Variants in ARHGAP29 observed in about 807,000 individuals in gnomAD.
ARHGAP29 encodes the protein rho GTPase-activating protein 29.
A neutral mutation model predicts 122.6 loss-of-function variants in ARHGAP29; 43 were observed. That is an observed-to-expected ratio of 0.35 (90% CI 0.27 to 0.45). The LOEUF is 0.45. ARHGAP29 is among the 20% of genes least tolerant of loss of function. The probability of loss-of-function intolerance (pLI) is 1.00; values close to 1 mark genes in which losing one functional copy is unlikely to be tolerated. For missense variants in ARHGAP29, 1,303 were observed against 1,477.2 expected (o/e 0.88, Z 1.93); for synonymous variants, 506 against 497.1 (o/e 1.02, Z -0.24).
the ARHGAP29 span, among the ~76,000 whole-genome samples, chr1:94,291,518 T>C: frequency 6.6e-6 from 1 of 152,150 alleles, no homozygotes; most frequent in Non-Finnish European, 1.5e-5. Context: ...TTATTTCACC[T>C]GTTAATTGAT....
At chr1:94,293,682 G>GA in the ARHGAP29 span, among the ~76,000 whole-genome samples, 6 of 152,280 alleles carry the variant, frequency 3.9e-5, no homozygotes, top group East Asian at 1.2e-3. Flanking sequence ...TGTGAGAACA[G>GA]ATGAATACAG....
At chr1:94,271,532 C>A (rs920929212) in intron 1 of ARHGAP29, among the ~76,000 whole-genome samples, 1 of 152,172 alleles carries the variant, frequency 6.6e-6, no homozygotes, top group Non-Finnish European at 1.5e-5. Context: ...AGATTAGAAA[C>A]TGTCTACCAC....
chr1:94,284,638 G>A, the ARHGAP29 span, among the ~76,000 whole-genome samples: 1 of 152,174 alleles, frequency 6.6e-6, no homozygotes, highest in African/African-American at 2.4e-5. Flanking sequence ...GTCCTGGAGT[G>A]AATACTGTGT....
rs369293214 is a variant in ARHGAP29 at position 94,184,175 on chromosome 1, G to A, written c.2223C>T (p.Asp741=). ...ISEFSSHDIC[D]VLKLYLRQLP... ...CCTGCCGAAGGTATAATTTCAAGAC[G>A]TCACAGATATCATGTGAACTAAATT... The change falls in exon 19 of 23, where the codon GAC becomes GAT. Residue 741 remains aspartate, a synonymous_variant. Coordinates refer to ENST00000260526, the MANE Select transcript of ARHGAP29 (RefSeq NM_004815.4). The A allele has an allele frequency of 4.4e-6, 7 of 1,607,924 alleles. No individual in the cohort carries two copies. Among genetic ancestry groups the A allele is most frequent in the Middle Eastern group, 3.3e-4 (2 of 6,040 alleles).
Position 94,237,464 on chromosome 1 carries a change from C to A in ARHGAP29, c.-82G>T, listed in dbSNP as rs1244561846. The A allele has an allele frequency of 3.0e-6, 3 of 987,510 alleles. No individual in the cohort carries two copies. The highest frequency in any genetic ancestry group is 1.2e-4 in the Admixed American group (2 of 16,254). The allele number at this position is 987,510 out of a possible 1,614,324, so 61.2% of individuals were successfully genotyped here. On this transcript the variant is annotated 5_prime_UTR_variant, in exon 1 of 23. Coordinates refer to ENST00000260526, the MANE Select transcript of ARHGAP29 (RefSeq NM_004815.4). ...GACGCGGACGCCCGCCCCACACCTA[C>A]GGCCGCCGCCACCGCCGAGGGCTGG...
chr1:94,217,993 C>G (rs963955275), intron 3 of ARHGAP29, among the ~76,000 whole-genome samples: 2 of 152,182 alleles, frequency 1.3e-5, no homozygotes, highest in African/African-American at 4.8e-5. Flanking sequence ...CTTAGACTGG[C>G]TGGCACTGAA....
At chr1:94,217,541 A>C (rs890323466) in intron 3 of ARHGAP29, among the ~76,000 whole-genome samples, 1 of 151,394 alleles carries the variant, frequency 6.6e-6, no homozygotes, top group African/African-American at 2.4e-5. Flanking sequence ...AAAAAAAAAA[A>C]AAACACTCAA....
At position 94,174,545 on chromosome 1, in the gene ARHGAP29, C is replaced by G. The variant is rs1264168129; in HGVS notation, c.3110G>C (p.Arg1037Thr). 1.9e-6 allele frequency: 3 copies of G among 1,614,062 alleles called. No homozygotes were observed. The highest frequency in any genetic ancestry group is 2.5e-6 in the Non-Finnish European group (3 of 1,180,034). ...LASPPNERNG[R>T]NMGNVNLDKF... ...GTCTAAATTTACATTTCCCATATTT[C>G]TGCCATTTCTCTCATTAGGAGGACT... The change falls in exon 23 of 23, where the codon AGA becomes ACA. Residue 1037 changes from arginine to threonine, a missense_variant. Transcript: ENST00000260526.
intron 19 of ARHGAP29, 74 bp downstream of exon 19, chr1:94,184,077 G>A: frequency 6.6e-7 from 1 of 1,509,608 alleles, no homozygotes; most frequent in African/African-American, 1.4e-5. Flanking sequence ...TGTAGCAAAT[G>A]TTATCAGCAA....
At chr1:94,250,174 G>A (rs1464724735) in intron 1 of ARHGAP29, among the ~76,000 whole-genome samples, 3 of 152,160 alleles carry the variant, frequency 2.0e-5, no homozygotes, top group Non-Finnish European at 4.4e-5. Flanking sequence ...GGAGGTGGGA[G>A]CCCAGCCCCA....
chr1:94,250,247 G>C (rs1368762050), intron 1 of ARHGAP29: 5 of 152,152 alleles, frequency 3.3e-5, no homozygotes, highest in Admixed American at 3.3e-4. Context: ...GTCTGTTTAG[G>C]AGGGACCCAC....
At chr1:94,251,848 AT>A (rs1282354946) in intron 1 of ARHGAP29, among the ~76,000 whole-genome samples, 4 of 152,064 alleles carry the variant, frequency 2.6e-5, no homozygotes, top group African/African-American at 4.8e-5. Flanking sequence ...CTCTGCTTTA[AT>A]TTTTGCACTT....
intron 2 of ARHGAP29, among the ~76,000 whole-genome samples, chr1:94,227,196 T>C (rs1037574915): frequency 6.6e-5 from 10 of 151,932 alleles, no homozygotes; most frequent in Non-Finnish European, 1.5e-4. Context: ...TTTTAGAAAG[T>C]TAACATACTA....
intron 1 of ARHGAP29, among the ~76,000 whole-genome samples, chr1:94,236,014 AAATT>A (rs1408575489): frequency 6.6e-6 from 1 of 152,228 alleles, no homozygotes. Context: ...TCTTGAGGAA[AAATT>A]GCCAGATATT....
chr1:94,198,720 T>A (rs1426349853), intron 12 of ARHGAP29, among the ~76,000 whole-genome samples: 1 of 152,198 alleles, frequency 6.6e-6, no homozygotes, highest in Non-Finnish European at 1.5e-5. Flanking sequence ...GTTCATGTGT[T>A]GGCAACTTTA....
intron 1 of ARHGAP29, among the ~76,000 whole-genome samples, chr1:94,232,299 G>C (rs900218377): frequency 1.3e-5 from 2 of 152,066 alleles, no homozygotes; most frequent in Non-Finnish European, 2.9e-5. Flanking sequence ...ATACAGAAGT[G>C]TCGAGAACAT....
the ARHGAP29 span, among the ~76,000 whole-genome samples, chr1:94,286,262 A>C: frequency 1.3e-5 from 2 of 152,194 alleles, no homozygotes; most frequent in Non-Finnish European, 2.9e-5. Flanking sequence ...ACCTCATTTA[A>C]CTATAATTAT....
At chr1:94,186,663 C>A in intron 15 of ARHGAP29, 66 bp from the exon 16 acceptor site, 1 of 1,215,388 alleles carries the variant, frequency 8.2e-7, no homozygotes, top group Non-Finnish European at 1.2e-6. Context: ...TAGGAAATGA[C>A]AACACTTTTG....
intron 3 of ARHGAP29, among the ~76,000 whole-genome samples, chr1:94,213,258 C>A (rs1471141181): frequency 6.6e-6 from 1 of 152,196 alleles, no homozygotes; most frequent in Non-Finnish European, 1.5e-5. Flanking sequence ...CGGCTCACTG[C>A]AAGCTCCTCC....
Sources: allele counts gnomAD v4.1 joint callset (sites outside exome capture counted in the v4.1 genomes callset), GRCh38; gene constraint gnomAD v4.1.1; transcripts MANE v1.5; gene names NCBI Gene and HGNC (gene_info 2026-07-23, HGNC 2026-07-21).